The following SEPTIN9 variants were observed in gnomAD, a reference collection of about 807,000 sequenced individuals.
SEPTIN9 encodes septin 9, also known as septin-9.
In SEPTIN9, 13 loss-of-function variants were observed where a neutral mutation model predicts 56.6. That is an observed-to-expected ratio of 0.23 (90% confidence interval 0.15 to 0.37). The LOEUF is 0.37. Among genes scored for constraint, SEPTIN9 ranks in the 10% least tolerant of loss-of-function variants. The probability of loss-of-function intolerance (pLI) is 1.00; values close to 1 mark genes in which losing one functional copy is unlikely to be tolerated. For synonymous variants in SEPTIN9, 332 were observed against 334.1 expected (o/e 0.99, Z 0.07); for missense variants, 650 against 823.1 (o/e 0.79, Z 2.57).
chr17:77,361,367 C>T (rs550255520), intron 2 of SEPTIN9, among the ~76,000 whole-genome samples: 2 of 152,324 alleles, frequency 1.3e-5, no homozygotes, highest in African/African-American at 4.8e-5. Flanking sequence ...TCACTCCCTG[C>T]TGCTCAGAAC....
intron 2 of SEPTIN9, among the ~76,000 whole-genome samples, chr17:77,384,234 G>A (rs1170040997): frequency 5.9e-5 from 9 of 152,126 alleles, no homozygotes; most frequent in African/African-American, 1.2e-4. Context: ...ATGGATTTCC[G>A]AGGCCCTGAC....
At chr17:77,459,173 G>A (rs970664772) in intron 3 of SEPTIN9, among the ~76,000 whole-genome samples, 13 of 152,312 alleles carry the variant, frequency 8.5e-5, no homozygotes, top group Admixed American at 3.9e-4. Flanking sequence ...CTTCCTGCCC[G>A]CCTGGGAAGA....
At position 77,389,402 on chromosome 17, in the gene SEPTIN9, G is replaced by A. The variant is rs1321237906; in HGVS notation, c.77-12657G>A. On this transcript the variant is annotated intron_variant, in intron 2 of 11. Coordinates refer to ENST00000427177, the MANE Select transcript of SEPTIN9 (RefSeq NM_001113491.2). This position sits in a 1 kb window ranked among gnomAD's most constrained non-coding sequence, Gnocchi z 4.3. ...GGAGAGCTGCCAGAGAGGCCCTGGC[G>A]GGGTGTCTGGGGCCACCTAAAGGGC... Among the ~76,000 whole-genome samples, 2 of 152,098 alleles carry A rather than the reference G, an allele frequency of 1.3e-5. No individual in the cohort carries two copies. The highest frequency in any genetic ancestry group is 2.1e-4 in the South Asian group (1 of 4,816).
intron 3 of SEPTIN9, among the ~76,000 whole-genome samples, chr17:77,464,357 C>T (rs390939): frequency 0.091 from 13,869 of 152,190 alleles, 1,676 homozygotes; most frequent in African/African-American, 0.28. Context: ...GGATTACAGG[C>T]GTGAGCCACC....
rs191531718 is a variant in SEPTIN9 at position 77,300,044 on chromosome 17, C to T, written c.20-7097C>T. 2.2e-3 allele frequency among the ~76,000 whole-genome samples: 334 copies of T among 152,290 alleles called. 4 individuals carry two copies. The highest frequency in any genetic ancestry group is 7.3e-3 in the African/African-American group (304 of 41,564). ...TCCTTCTCACAGGAGCTGGTGGTGC[C>T]CCTTCCGCTTCACAGGGAGGATGGC... is the stretch of plus-strand genomic sequence containing the variant. On this transcript the variant is annotated intron_variant, in intron 1 of 11. Transcript: ENST00000427177.
At chr17:77,328,924 A>G (rs2033246192) in intron 2 of SEPTIN9, among the ~76,000 whole-genome samples, 1 of 152,206 alleles carries the variant, frequency 6.6e-6, no homozygotes, top group African/African-American at 2.4e-5. Flanking sequence ...GGTGACACTG[A>G]GCTGAAGCTG....
At chr17:77,471,517 C>T (rs979005711) in intron 3 of SEPTIN9, among the ~76,000 whole-genome samples, 4 of 152,278 alleles carry the variant, frequency 2.6e-5, no homozygotes, top group Non-Finnish European at 5.9e-5. Context: ...CCCCAGCCCC[C>T]ACAGCCCCTG....
intron 2 of SEPTIN9, among the ~76,000 whole-genome samples, chr17:77,312,100 G>A (rs904936719): frequency 1.3e-5 from 2 of 152,100 alleles, no homozygotes; most frequent in African/African-American, 4.8e-5. Flanking sequence ...CCCCGGTCAC[G>A]GTCATGTCTT....
At chr17:77,393,018 A>G (rs1172544080) in intron 2 of SEPTIN9, among the ~76,000 whole-genome samples, 4 of 152,052 alleles carry the variant, frequency 2.6e-5, no homozygotes, top group Non-Finnish European at 5.9e-5. Context: ...CTGCCCCAGG[A>G]GCCACCTCCC....
At chr17:77,341,497 G>A (rs1296841326) in intron 2 of SEPTIN9, among the ~76,000 whole-genome samples, 1 of 152,146 alleles carries the variant, frequency 6.6e-6, no homozygotes, top group African/African-American at 2.4e-5. Flanking sequence ...ACTGATCACT[G>A]GGCGCGGTGG....
intron 2 of SEPTIN9, among the ~76,000 whole-genome samples, chr17:77,344,755 T>C (rs1448019957): frequency 6.6e-6 from 1 of 152,180 alleles, no homozygotes. Context: ...GCAGATCACT[T>C]GAGGTCAGGA....
In SEPTIN9 at chr17:77,451,244, G is replaced by A. The variant is rs912376464; in HGVS notation, c.722-30900G>A. The A allele has an allele frequency of 5.9e-5, 21 of 355,460 alleles. No individual in the cohort carries two copies. The highest frequency in any genetic ancestry group is 6.7e-5 in the Non-Finnish European group (17 of 254,334). 22.0% of individuals were successfully genotyped at this position (355,460 alleles called of 1,614,324 possible). On this transcript the variant is annotated intron_variant, in intron 3 of 11. Transcript: ENST00000427177. The surrounding 1 kb of genome is among the most constrained non-coding windows in gnomAD (Gnocchi z 4.2). Reference sequence around the variant, plus strand: ...GTGGCAGCTCCTTGGCGTCCCTCCCGTGCCTTCAGGTTGCTTCTGCGCCGG... The same window carrying A: ...GTGGCAGCTCCTTGGCGTCCCTCCCATGCCTTCAGGTTGCTTCTGCGCCGG...
Position 77,475,252 on chromosome 17 carries a change from C to A in SEPTIN9, c.722-6892C>A, listed in dbSNP as rs1383226942. Reference sequence around the variant, plus strand: ...GCACACATCATTATTCAGTTACCATCGTGGGGAGACTGTCTGGACGCAGAG... The same window carrying A: ...GCACACATCATTATTCAGTTACCATAGTGGGGAGACTGTCTGGACGCAGAG... On this transcript the variant is annotated intron_variant, in intron 3 of 11. Coordinates refer to ENST00000427177, the MANE Select transcript of SEPTIN9 (RefSeq NM_001113491.2). This position sits in a 1 kb window ranked among gnomAD's most constrained non-coding sequence, Gnocchi z 4.6. 7.3e-7 allele frequency: 1 copy of A among 1,370,012 alleles called. No individual in the cohort carries two copies. The highest frequency in any genetic ancestry group is 9.4e-7 in the Non-Finnish European group (1 of 1,061,888). The allele number at this position is 1,370,012 out of a possible 1,614,324, so 84.9% of individuals were successfully genotyped here.
intron 8 of SEPTIN9, among the ~76,000 whole-genome samples, chr17:77,491,216 G>GC (rs998022970): frequency 1.8e-5 from 2 of 108,168 alleles, no homozygotes; most frequent in Non-Finnish European, 3.7e-5. Flanking sequence ...CTTGTTTTAT[G>GC]CCCCCCCTTT....
chr17:77,373,891 C>G (rs538717983), intron 2 of SEPTIN9: 1 of 288,288 alleles, frequency 3.5e-6, no homozygotes, highest in Non-Finnish European at 6.5e-6. Context: ...GCGAGGCTGC[C>G]TCGGAACTCT....
chr17:77,372,165 A>G (rs2034740590), intron 2 of SEPTIN9, among the ~76,000 whole-genome samples: 2 of 152,280 alleles, frequency 1.3e-5, no homozygotes, highest in South Asian at 4.1e-4. Context: ...GAATTCTCAC[A>G]TGGCCCCTGA....
chr17:77,445,650 A>G lies in SEPTIN9; in HGVS notation c.722-36494A>G. ...CGTGGGTGTCACCACACTTCCTAGCAGGTGTCAACCTCCAAGACTGTTCTG... is the reference window on the plus strand; with the variant it reads ...CGTGGGTGTCACCACACTTCCTAGCGGGTGTCAACCTCCAAGACTGTTCTG... On this transcript the variant is annotated intron_variant, in intron 3 of 11. Coordinates refer to ENST00000427177, the MANE Select transcript of SEPTIN9 (RefSeq NM_001113491.2). The surrounding 1 kb of genome is among the most constrained non-coding windows in gnomAD (Gnocchi z 4.7). The G allele has an allele frequency of 2.8e-6, 1 of 361,112 alleles. No individual in the cohort carries two copies. The highest frequency in any genetic ancestry group is 2.1e-5 in the South Asian group (1 of 47,090). 22.4% of individuals were successfully genotyped at this position (361,112 alleles called of 1,614,324 possible).
chr17:77,332,542 G>A (rs1382329062), intron 2 of SEPTIN9, among the ~76,000 whole-genome samples: 1 of 152,192 alleles, frequency 6.6e-6, no homozygotes, highest in Admixed American at 6.5e-5. Flanking sequence ...TTTCTTTGAA[G>A]TAAAATGTAT....
At chr17:77,342,276 G>T (rs934002125) in intron 2 of SEPTIN9, among the ~76,000 whole-genome samples, 2 of 152,192 alleles carry the variant, frequency 1.3e-5, no homozygotes, top group African/African-American at 4.8e-5. Context: ...TTTGTAAAAA[G>T]TGCAGTATCT....
Sources: allele counts gnomAD v4.1 joint callset (sites outside exome capture counted in the v4.1 genomes callset), GRCh38; gene constraint gnomAD v4.1.1; non-coding constraint Gnocchi (gnomAD v3.1); transcripts MANE v1.5; gene names NCBI Gene and HGNC (gene_info 2026-07-23, HGNC 2026-07-21).